The following TNS1 variants were observed in gnomAD, a reference collection of about 807,000 sequenced individuals.
The protein encoded by TNS1 is tensin 1.
Under a neutral mutation model 168.6 loss-of-function variants are expected in TNS1, and 62 were observed. The observed-to-expected ratio is 0.37, with a 90% CI of 0.30 to 0.45. TNS1 has a LOEUF of 0.45. TNS1 is among the 20% of genes least tolerant of loss of function. TNS1 has a pLI of 1.00. For synonymous variants in TNS1, 934 were observed against 933.2 expected, an observed-to-expected ratio of 1.00 and a Z score of -0.02; for missense variants, 2,240 against 2,339.4, an observed-to-expected ratio of 0.96 and a Z score of 0.88.
chr2:217,868,161 T>A (rs1198952989), intron 18 of TNS1, among the ~76,000 whole-genome samples: 1 of 152,254 alleles, frequency 6.6e-6, no homozygotes, highest in Non-Finnish European at 1.5e-5. Flanking sequence ...TACTAAAGAA[T>A]GTAGATGATG....
intron 3 of TNS1, among the ~76,000 whole-genome samples, chr2:217,935,062 G>C (rs923960073): frequency 1.3e-5 from 2 of 152,240 alleles, no homozygotes; most frequent in Admixed American, 1.3e-4. Context: ...AGGTCCTTCC[G>C]CGGCACTACA....
intron 4 of TNS1, among the ~76,000 whole-genome samples, chr2:217,914,050 CTG>C (rs1318498677): frequency 7.3e-6 from 1 of 137,006 alleles, no homozygotes; most frequent in African/African-American, 3.2e-5. Context: ...TGTTTCAGCC[CTG>C]CTACCTTCCA....
chr2:218,002,471 G>C (rs186342532), intron 1 of TNS1, among the ~76,000 whole-genome samples: 2 of 151,946 alleles, frequency 1.3e-5, no homozygotes, highest in East Asian at 3.9e-4. Context: ...AGCAACTGAG[G>C]GGGGGCGGTG....
Position 217,804,209 on chromosome 2 carries a change from T to C in TNS1, c.*250A>G. The C allele has an allele frequency of 2.2e-6, 1 of 464,526 alleles. No homozygotes were observed. The highest frequency in any genetic ancestry group is 3.1e-5 in the South Asian group (1 of 31,912). The allele number at this position is 464,526 out of a possible 1,614,324, so 28.8% of individuals were successfully genotyped here. On this transcript the variant is annotated 3_prime_UTR_variant, in exon 33 of 33. Transcript: ENST00000682258. ...GTTAGTTTTGGAGGCTTTGGGTTTT[T>C]GCAGTTTCCATCTACCCAGGGGAAT...
chr2:217,842,257 C>T (rs997389245), intron 19 of TNS1: 15 of 586,918 alleles, frequency 2.6e-5, no homozygotes, highest in Middle Eastern at 2.6e-4. Context: ...GTTCCAGCCT[C>T]TTCTCCTTAA....
upstream of TNS1, among the ~76,000 whole-genome samples, chr2:218,013,180 C>T (rs1021777312): frequency 3.3e-5 from 5 of 151,936 alleles, no homozygotes; most frequent in Middle Eastern, 3.4e-3. Context: ...CGCTTGAACC[C>T]AGGAGGCGGA....
Position 217,891,034 on chromosome 2 carries a change from G to T in TNS1, c.794C>A (p.Ala265Asp). ...YSNISASADQ[A>D]LDRFAMKRFY... The stretch of plus-strand genomic sequence containing the variant: ...CCGCTTCATTGCAAACCGGTCCAGA[G>T]CCTGGTCCGCACTGCAGGGAGAGAC... Residue 265 changes from alanine (A) to aspartate (D), a missense_variant, in exon 12 of 33, where the codon GCT becomes GAT. This residue lies in a region of TNS1 where 2,131 missense variants were observed against 2,171.2 expected (regional missense o/e 0.98). Transcript: ENST00000682258. The T allele has an allele frequency of 6.2e-7, 1 of 1,614,208 alleles. No individual in the cohort carries two copies. Among genetic ancestry groups the T allele is most frequent in the Non-Finnish European group, 8.5e-7 (1 of 1,180,042 alleles).
chr2:217,898,760 G>T (rs1343086959), intron 7 of TNS1, among the ~76,000 whole-genome samples: 1 of 152,244 alleles, frequency 6.6e-6, no homozygotes, highest in Non-Finnish European at 1.5e-5. Flanking sequence ...GAGAGGTGGG[G>T]AGGCCCCTGG....
At position 217,804,325 on chromosome 2, in the gene TNS1, C is replaced by T; in HGVS notation, c.*134G>A. The T allele has an allele frequency of 9.4e-7, 1 of 1,059,462 alleles. No homozygotes were observed. Among genetic ancestry groups the T allele is most frequent in the Admixed American group, 2.2e-5 (1 of 44,656 alleles). 65.6% of individuals were successfully genotyped at this position (1,059,462 alleles called of 1,614,324 possible). A position where few individuals can be genotyped will look rare whatever the true frequency, so the allele number is the denominator to read the frequency against. On this transcript the variant is annotated 3_prime_UTR_variant, in exon 33 of 33. Coordinates refer to ENST00000682258, the MANE Select transcript of TNS1 (RefSeq NM_001387777.1). ...CCCTCTGCAATTCACTTCCCTCTCC[C>T]CACGTTGCACTTTCTTCTCTCCTCC...
chr2:217,858,363 G>A, intron 18 of TNS1: 1 of 232,318 alleles, frequency 4.3e-6, no homozygotes, highest in African/African-American at 2.3e-5. Flanking sequence ...GCCCTTCCAA[G>A]GTGGGGTCGT....
At chr2:217,900,632 G>A (rs1455393023) in intron 6 of TNS1, 120 bp from the exon 7 acceptor site, 4 of 1,133,264 alleles carry the variant, frequency 3.5e-6, no homozygotes, top group Non-Finnish European at 3.8e-6. Flanking sequence ...CAACATTCTG[G>A]CCCTGCCACC....
chr2:217,879,210 G>T, intron 18 of TNS1: 3 of 288,132 alleles, frequency 1.0e-5, no homozygotes, highest in Non-Finnish European at 2.1e-5. Flanking sequence ...TTATTTGCCT[G>T]GCACTTTATA....
At chr2:217,882,554 A>G in intron 16 of TNS1, 143 bp from the exon 17 acceptor site, 1 of 532,368 alleles carries the variant, frequency 1.9e-6, no homozygotes, top group Non-Finnish European at 3.2e-6. Context: ...TTATACATAT[A>G]TACATGAAAT....
At chr2:217,925,820 C>T (rs997775226) in intron 3 of TNS1, among the ~76,000 whole-genome samples, 1 of 152,138 alleles carries the variant, frequency 6.6e-6, no homozygotes, top group African/African-American at 2.4e-5. Context: ...CCCCTGGTTA[C>T]CTCTAATCTA....
intron 22 of TNS1, among the ~76,000 whole-genome samples, chr2:217,824,795 C>T (rs1943373459): frequency 6.6e-6 from 1 of 152,172 alleles, no homozygotes; most frequent in Non-Finnish European, 1.5e-5. Context: ...CTTCCAGGCA[C>T]TCATCATGGC....
intron 1 of TNS1, among the ~76,000 whole-genome samples, chr2:218,021,521 G>C (rs1251755637): frequency 6.6e-6 from 1 of 152,238 alleles, no homozygotes; most frequent in Admixed American, 6.5e-5. Flanking sequence ...GGCATCTGGA[G>C]GGTCTGTGCA....
At chr2:217,980,504 C>CAGAGAGAGAG (rs1217065280) in intron 2 of TNS1, among the ~76,000 whole-genome samples, 54 of 131,334 alleles carry the variant, frequency 4.1e-4, no homozygotes, top group African/African-American at 1.5e-3. Context: ...CCTACACACA[C>CAGAGAGAGAG]ACAGAGAGAG....
chr2:217,839,548 T>A (rs1945651104), intron 19 of TNS1, among the ~76,000 whole-genome samples: 1 of 151,814 alleles, frequency 6.6e-6, no homozygotes, highest in Non-Finnish European at 1.5e-5. Flanking sequence ...ATCCCCTTCA[T>A]CTGACACACA....
chr2:217,937,697 C>G lies in TNS1; in HGVS notation c.187-17461G>C, dbSNP rs549775233. On this transcript the variant is annotated intron_variant, in intron 3 of 32. Transcript: ENST00000682258. ...CCGGGGAGATGGACTCACAGACCCC[C>G]CACCCCTGCACCTTTCAGCCCTTCA... is the stretch of plus-strand genomic sequence containing the variant. Among the ~76,000 whole-genome samples the G allele has an allele frequency of 1.1e-4, 17 of 152,248 alleles. No homozygotes were observed. The South Asian group carries it at 3.3e-3, about 30-fold the overall frequency.
Sources: allele counts gnomAD v4.1 joint callset (sites outside exome capture counted in the v4.1 genomes callset), GRCh38; gene constraint gnomAD v4.1.1; regional missense constraint gnomAD v4.1.1; transcripts MANE v1.5; gene names NCBI Gene and HGNC (gene_info 2026-07-23, HGNC 2026-07-21).